The following URB1 variants were observed in gnomAD, a reference collection of about 807,000 sequenced individuals.
URB1 encodes URB1 ribosome biogenesis factor.
Under a neutral mutation model 242.3 loss-of-function variants are expected in URB1, and 197 were observed. That is an observed-to-expected ratio of 0.81 (90% CI 0.72 to 0.91). URB1 has a LOEUF of 0.91. Among genes scored for constraint, URB1 ranks in the 40% least tolerant of loss-of-function variants. The pLI, the probability that URB1 is intolerant of heterozygous loss-of-function variation, is 0.00. For missense variants in URB1, 2,721 were observed against 2,860.5 expected (o/e 0.95, Z 1.11); for synonymous variants, 1,153 against 1,201.8 (o/e 0.96, Z 0.84).
At chr21:32,341,112 G>A (rs530044238) in intron 25 of URB1, among the ~76,000 whole-genome samples, 3 of 152,132 alleles carry the variant, frequency 2.0e-5, no homozygotes, top group African/African-American at 7.2e-5. Flanking sequence ...AGATACTGAC[G>A]AGACAAAGCA....
Position 32,383,556 on chromosome 21 carries a change from T to C in URB1, c.435-2A>G, listed in dbSNP as rs1332488392. The C allele has an allele frequency of 1.9e-6, 3 of 1,550,434 alleles. No homozygotes were observed. The highest frequency in any genetic ancestry group is 1.7e-4 in the Middle Eastern group (1 of 5,980). ...AGGCTCAGGCAGGCGCGAGCCAACC[T>C]GCACAGGGAACCAGAGGAAATCGGA... is the stretch of plus-strand genomic sequence containing the variant. On this transcript the variant is annotated splice_acceptor_variant, in intron 3 of 38. Transcript: ENST00000382751. LOFTEE classifies it high-confidence loss of function.
intron 8 of URB1, among the ~76,000 whole-genome samples, chr21:32,369,347 G>C (rs971756405): frequency 1.3e-5 from 2 of 152,122 alleles, no homozygotes; most frequent in Non-Finnish European, 2.9e-5. Context: ...CTGGGTGACA[G>C]AGTAAGACTC....
chr21:32,319,451 C>T (rs2032738715), intron 35 of URB1, 37 bp from the exon 36 acceptor site: 3 of 1,468,070 alleles, frequency 2.0e-6, no homozygotes, highest in Middle Eastern at 1.8e-4. Flanking sequence ...TCCGCCACAT[C>T]CTGACCTTTC....
chr21:32,392,744 C>G (rs2033653691), intron 1 of URB1, 25 bp downstream of exon 1: 1 of 1,417,042 alleles, frequency 7.1e-7, no homozygotes, highest in African/African-American at 1.5e-5. Flanking sequence ...TGCTCCCGAC[C>G]CTGCGCCTGC....
intron 2 of URB1, among the ~76,000 whole-genome samples, chr21:32,385,069 A>G (rs564481003): frequency 6.6e-6 from 1 of 152,318 alleles, no homozygotes; most frequent in South Asian, 2.1e-4. Context: ...AAATCAAATG[A>G]GAAGAAAATT....
Position 32,334,226 on chromosome 21 carries a change from GTCC to G in URB1, c.4791_4793del (p.Asp1598del). ...GGATGGTCTGCATCATCCGGTCCCG[GTCC>G]AGCAGGCGAAGGATGTCCCCGACAC... On this transcript the variant is annotated inframe_deletion, in exon 29 of 39. Coordinates refer to ENST00000382751, the MANE Select transcript of URB1 (RefSeq NM_014825.3). 6.4e-7 allele frequency: 1 copy of G among 1,551,544 alleles called. No homozygotes were observed. Among genetic ancestry groups the G allele is most frequent in the Non-Finnish European group, 8.7e-7 (1 of 1,146,944 alleles).
At position 32,347,164 on chromosome 21, in the gene URB1, G is replaced by C. The variant is rs757342632; in HGVS notation, c.3660C>G (p.Asp1220Glu). 2 of 1,549,086 alleles carry C rather than the reference G, an allele frequency of 1.3e-6. No individual in the cohort carries two copies. Among genetic ancestry groups the C allele is most frequent in the Non-Finnish European group, 1.7e-6 (2 of 1,146,370 alleles). ...LAPAVGADLL[D>E]YCLARRTQAA... ...CCTGTGTGCGCCGGGCCAGGCAGTAGTCAAGCAGATCAGCCCCGACTGCGG... is the reference window on the plus strand; with the variant it reads ...CCTGTGTGCGCCGGGCCAGGCAGTACTCAAGCAGATCAGCCCCGACTGCGG... The change falls in exon 22 of 39, where the codon GAC becomes GAG. Residue 1220 changes from aspartate (D) to glutamate (E), a missense_variant. By Grantham distance (45) the Asp-to-Glu change is conservative. Coordinates refer to ENST00000382751, the MANE Select transcript of URB1 (RefSeq NM_014825.3).
At chr21:32,332,051 AAC>A (rs924760474) in intron 30 of URB1, among the ~76,000 whole-genome samples, 6 of 152,332 alleles carry the variant, frequency 3.9e-5, no homozygotes, top group African/African-American at 1.4e-4. Flanking sequence ...CATCTCAACC[AAC>A]AGTCACAAGC....
At chr21:32,337,567 T>C in intron 26 of URB1, 53 bp from the exon 27 acceptor site, 1 of 1,452,858 alleles carries the variant, frequency 6.9e-7, no homozygotes, top group South Asian at 1.2e-5. Context: ...ACACACTGAA[T>C]ACCAGAAGAG....
Position 32,316,781 on chromosome 21 carries a change from A to G in URB1, c.6319T>C (p.Ser2107Pro), listed in dbSNP as rs966155542. The change falls in exon 38 of 39, where the codon TCG becomes CCG. Residue 2107 changes from serine to proline, a missense_variant. By Grantham distance (74) the Ser-to-Pro change is moderately conservative (BLOSUM62 -1). Transcript: ENST00000382751. ...ASLAVSWVLRSVAEHPLSRAE... is the reference protein window; with the variant it reads ...ASLAVSWVLRPVAEHPLSRAE... ...CTGCTGAGCGGGTGCTCGGCCACCGACCGCAGCACCCAACTGACTGCCAGG... is the reference window on the plus strand; with the variant it reads ...CTGCTGAGCGGGTGCTCGGCCACCGGCCGCAGCACCCAACTGACTGCCAGG... The G allele has an allele frequency of 1.3e-6, 2 of 1,549,484 alleles. No homozygotes were observed. Among genetic ancestry groups the G allele is most frequent in the Admixed American group, 3.9e-5 (2 of 50,934 alleles).
intron 14 of URB1, among the ~76,000 whole-genome samples, chr21:32,358,056 G>A (rs1437887913): frequency 6.6e-6 from 1 of 152,060 alleles, no homozygotes; most frequent in Non-Finnish European, 1.5e-5. Context: ...ACATAACGTA[G>A]CAGGAGCCAT....
intron 22 of URB1, 38 bp from the exon 23 acceptor site, chr21:32,345,613 A>G: frequency 6.7e-7 from 1 of 1,497,402 alleles, no homozygotes. Context: ...ATCACACCCA[A>G]TGGTGGGCTG....
At chr21:32,361,189 A>AAGAC in intron 12 of URB1, 66 bp from the exon 13 acceptor site, 1 of 883,314 alleles carries the variant, frequency 1.1e-6, no homozygotes, top group Non-Finnish European at 1.7e-6. Flanking sequence ...GAAAGAAAGA[A>AAGAC]AGAAAGAAAG....
intron 5 of URB1, among the ~76,000 whole-genome samples, chr21:32,378,048 A>C (rs2033478849): frequency 6.6e-6 from 1 of 152,206 alleles, no homozygotes; most frequent in Admixed American, 6.5e-5. Flanking sequence ...CACAGGTCTA[A>C]GCCACCAAAG....
chr21:32,370,607 G>C (rs2033395879), intron 8 of URB1, among the ~76,000 whole-genome samples: 1 of 152,186 alleles, frequency 6.6e-6, no homozygotes, highest in African/African-American at 2.4e-5. Context: ...CAAGATAATG[G>C]AGGCAGAGAG....
chr21:32,343,339 A>C (rs2033051277), intron 24 of URB1, among the ~76,000 whole-genome samples: 1 of 152,096 alleles, frequency 6.6e-6, no homozygotes. Context: ...AGCAACAAAA[A>C]GTAAGAAACT....
intron 12 of URB1, 140 bp downstream of exon 12, chr21:32,361,752 A>G: frequency 8.1e-7 from 1 of 1,232,886 alleles, no homozygotes; most frequent in Admixed American, 3.0e-5. Flanking sequence ...GCAAAAAAGG[A>G]TATAGACACA....
At chr21:32,380,156 T>C (rs1403824931) in intron 4 of URB1, among the ~76,000 whole-genome samples, 1 of 152,214 alleles carries the variant, frequency 6.6e-6, no homozygotes, top group African/African-American at 2.4e-5. Context: ...GCAAGGACCA[T>C]ACTTGGCATC....
Position 32,311,059 on chromosome 21 carries a change from C to G in URB1, c.*3859G>C, listed in dbSNP as rs2032552242. ...GAGGTTTAATGGACTCACAGTTTCA[C>G]ATGGCGGGGGAGGCTTCACAGTCAT... On this transcript the variant is annotated 3_prime_UTR_variant, in exon 39 of 39. Transcript: ENST00000382751. The G allele has an allele frequency of 6.6e-6, 1 of 152,452 alleles. No individual in the cohort carries two copies. The highest frequency in any genetic ancestry group is 2.1e-4 in the South Asian group (1 of 4,834). The allele number at this position is 152,452 out of a possible 1,614,324, so 9.4% of individuals were successfully genotyped here. A position where few individuals can be genotyped will look rare whatever the true frequency, so the allele number is the denominator to read the frequency against.
Sources: gnomAD v4.1 joint callset for allele counts (sites outside exome capture counted in the v4.1 genomes callset) on GRCh38, gnomAD v4.1.1 for gene constraint, MANE v1.5 for transcripts, NCBI Gene and HGNC (gene_info 2026-07-23, HGNC 2026-07-21) for gene names.